Variants in MAP3K20 observed in about 807,000 individuals in gnomAD.
MAP3K20 encodes the protein HCCS-4.
Under a neutral mutation model 85.7 loss-of-function variants are expected in MAP3K20, and 40 were observed. The observed-to-expected ratio is 0.47, with a 90% CI of 0.36 to 0.61. The LOEUF is 0.61. MAP3K20 is among the 20% of genes least tolerant of loss of function. MAP3K20 has a pLI of 0.00. For missense variants in MAP3K20, 817 were observed against 961.7 expected (o/e 0.85, Z 1.99); for synonymous variants, 325 against 327.7 (o/e 0.99, Z 0.09).
chr2:173,150,197 A>G (rs1689261457), intron 2 of MAP3K20, among the ~76,000 whole-genome samples: 1 of 152,220 alleles, frequency 6.6e-6, no homozygotes, highest in Non-Finnish European at 1.5e-5. Flanking sequence ...GTGATGTTCA[A>G]TTTCTGTCAA....
chr2:173,218,150 T>C (rs1574125934), intron 11 of MAP3K20, among the ~76,000 whole-genome samples: 1 of 152,194 alleles, frequency 6.6e-6, no homozygotes, highest in Non-Finnish European at 1.5e-5. Flanking sequence ...AATACTGAAA[T>C]GCCGCTCGTT....
intron 2 of MAP3K20, among the ~76,000 whole-genome samples, chr2:173,121,729 G>A (rs180826820): frequency 6.6e-6 from 1 of 152,158 alleles, no homozygotes; most frequent in Admixed American, 6.5e-5. Context: ...ATTCCATTCA[G>A]CATGGATGCC....
At chr2:173,260,518 T>C (rs1158676890) in intron 17 of MAP3K20, among the ~76,000 whole-genome samples, 2 of 152,132 alleles carry the variant, frequency 1.3e-5, no homozygotes, top group African/African-American at 2.4e-5. Context: ...ATAATTAAAA[T>C]AGGATCAAAG....
chr2:173,210,920 T>C (rs1381389624), intron 10 of MAP3K20: 1 of 152,222 alleles, frequency 6.6e-6, no homozygotes, highest in Non-Finnish European at 1.5e-5. Context: ...TGAAATATCT[T>C]ATCTAGGGCT....
At chr2:173,097,779 A>G (rs1687505875) in intron 2 of MAP3K20, among the ~76,000 whole-genome samples, 1 of 152,192 alleles carries the variant, frequency 6.6e-6, no homozygotes, top group South Asian at 2.1e-4. Context: ...AACTATCAAT[A>G]ATTTTTATAT....
In MAP3K20 at chr2:173,174,936, T is replaced by C. The variant is rs529723548; in HGVS notation, c.247+5044T>C. 3.3e-5 allele frequency among the ~76,000 whole-genome samples: 5 copies of C among 152,304 alleles called. No individual in the cohort carries two copies. The South Asian group carries it at 6.2e-4, about 19-fold the overall frequency. ...GGCATAACATTAGGATTGTTGAATATTTTAGTCCCATATGCTATATTTGTA... is the reference window on the plus strand; with the variant it reads ...GGCATAACATTAGGATTGTTGAATACTTTAGTCCCATATGCTATATTTGTA... On this transcript the variant is annotated intron_variant, in intron 3 of 19. Coordinates refer to ENST00000375213, the MANE Select transcript of MAP3K20 (RefSeq NM_016653.3).
chr2:173,160,034 C>T (rs951246039), intron 2 of MAP3K20: 3 of 152,102 alleles, frequency 2.0e-5, no homozygotes, highest in African/African-American at 7.2e-5. Flanking sequence ...GGGGAAATGA[C>T]TGGTGTATTT....
chr2:173,190,237 C>T (rs1403660327), intron 5 of MAP3K20, among the ~76,000 whole-genome samples: 3 of 152,064 alleles, frequency 2.0e-5, no homozygotes, highest in East Asian at 1.9e-4. Flanking sequence ...TTCATCTGAC[C>T]GCCCTCGACA....
rs897576489 is a variant in MAP3K20 at position 173,263,845 on chromosome 2, A to G, written c.1652A>G (p.Gln551Arg). The G allele has an allele frequency of 6.2e-7, 1 of 1,613,658 alleles. No homozygotes were observed. The highest frequency in any genetic ancestry group is 1.1e-5 in the South Asian group (1 of 90,940). The change falls in exon 19 of 20, where the codon CAG becomes CGG. Residue 551 changes from glutamine to arginine, a missense_variant. Physicochemically the swap from Gln to Arg is conservative, Grantham distance 43. Around this residue, in one of 4 missense-constraint regions of MAP3K20, gnomAD observed 454 missense variants for 476.9 expected, o/e 0.95. Transcript: ENST00000375213. ...DEVKAVQLAIQTLFTNSDGNP... is the reference protein window; with the variant it reads ...DEVKAVQLAIRTLFTNSDGNP... ...GTGAAAGCAGTCCAACTTGCCATTC[A>G]GACATTATTCACCAATTCAGATGGC...
At chr2:173,234,934 G>A (rs1392768059) in intron 14 of MAP3K20, among the ~76,000 whole-genome samples, 2 of 152,100 alleles carry the variant, frequency 1.3e-5, no homozygotes, top group Non-Finnish European at 2.9e-5. Flanking sequence ...AAAACAGGAG[G>A]GTATAAATGT....
At chr2:173,162,319 C>T (rs2106241047) in intron 2 of MAP3K20, among the ~76,000 whole-genome samples, 1 of 152,200 alleles carries the variant, frequency 6.6e-6, no homozygotes, top group Admixed American at 6.5e-5. Context: ...GAGATGGCTT[C>T]AGCTGAGTGA....
chr2:173,092,766 T>C (rs1261420044), intron 2 of MAP3K20, among the ~76,000 whole-genome samples: 2 of 152,208 alleles, frequency 1.3e-5, no homozygotes, highest in Admixed American at 6.5e-5. Flanking sequence ...AAAATATTAA[T>C]TGTAACCCGT....
At chr2:173,150,791 C>T (rs1034660867) in intron 2 of MAP3K20, among the ~76,000 whole-genome samples, 4 of 152,078 alleles carry the variant, frequency 2.6e-5, no homozygotes, top group South Asian at 2.1e-4. Context: ...GTCTTGAACT[C>T]GACCTTGTGA....
intron 11 of MAP3K20, chr2:173,227,189 A>G (rs1684413132): frequency 2.1e-6 from 2 of 954,626 alleles, no homozygotes; most frequent in Non-Finnish European, 2.5e-6. Flanking sequence ...TCCCTGTTAG[A>G]TTGGATTCCC....
intron 2 of MAP3K20, among the ~76,000 whole-genome samples, chr2:173,142,963 G>A (rs954697039): frequency 6.6e-6 from 1 of 152,056 alleles, no homozygotes; most frequent in Non-Finnish European, 1.5e-5. Flanking sequence ...GGAGTTCAAG[G>A]CTGCAGTGAG....
intron 2 of MAP3K20, among the ~76,000 whole-genome samples, chr2:173,103,353 G>A (rs1003326125): frequency 2.0e-5 from 3 of 152,152 alleles, no homozygotes; most frequent in South Asian, 2.1e-4. Context: ...GAGGCTCTGT[G>A]GGAAATCCTG....
chr2:173,221,104 G>GTCCTAA, intron 11 of MAP3K20: 1 of 1,424,988 alleles, frequency 7.0e-7, no homozygotes, highest in Non-Finnish European at 9.3e-7. Context: ...ATTTAAATTG[G>GTCCTAA]TCCTAATTTC....
intron 2 of MAP3K20, among the ~76,000 whole-genome samples, chr2:173,103,064 A>C (rs1687679485): frequency 6.6e-6 from 1 of 152,120 alleles, no homozygotes. Flanking sequence ...AAAAAGAAAA[A>C]AAAGAAAAGA....
At chr2:173,250,566 C>T (rs1027654969) in intron 16 of MAP3K20, among the ~76,000 whole-genome samples, 1 of 152,190 alleles carries the variant, frequency 6.6e-6, no homozygotes, top group South Asian at 2.1e-4. Flanking sequence ...ATAATGCCTG[C>T]GTTCGCATGG....
Sources: allele counts gnomAD v4.1 joint callset (sites outside exome capture counted in the v4.1 genomes callset), GRCh38; gene constraint gnomAD v4.1.1; regional missense constraint gnomAD v4.1.1; transcripts MANE v1.5; gene names NCBI Gene and HGNC (gene_info 2026-07-23, HGNC 2026-07-21).